Variants in ITGBL1 observed in about 807,000 individuals in gnomAD.
ITGBL1 encodes the protein integrin beta-like protein 1.
ITGBL1 carries 51 observed loss-of-function variants against 68.5 expected under a neutral mutation model. The ratio of observed to expected loss-of-function variants is 0.74; its 90% CI spans 0.59 to 0.94. The LOEUF is 0.94. Among genes scored for constraint, ITGBL1 ranks in the 40% least tolerant of loss-of-function variants. The probability of loss-of-function intolerance (pLI) is 0.00; values close to 1 mark genes in which losing one functional copy is unlikely to be tolerated. For missense variants in ITGBL1, 649 were observed against 647.4 expected (o/e 1.00, Z -0.03); for synonymous variants, 209 against 227.3 (o/e 0.92, Z 0.72).
At chr13:101,472,220 GAA>G (rs1566689596) in intron 2 of ITGBL1, among the ~76,000 whole-genome samples, 1 of 152,106 alleles carries the variant, frequency 6.6e-6, no homozygotes, top group Admixed American at 6.5e-5. Flanking sequence ...ACACTGCACT[GAA>G]ATATATCCAA....
rs115163402 is a variant in ITGBL1 at position 101,550,237 on chromosome 13, G to C, written c.317-17462G>C. On this transcript the variant is annotated intron_variant, in intron 2 of 10. Transcript: ENST00000376180. Reference sequence around the variant, plus strand: ...ATCTTTTCATGGCTGTTTGTTCAGAGAACAGCCTGGGAAGACAGACATGGT... The same window carrying C: ...ATCTTTTCATGGCTGTTTGTTCAGACAACAGCCTGGGAAGACAGACATGGT... 8.9e-3 allele frequency among the ~76,000 whole-genome samples: 1,362 copies of C among 152,238 alleles called. 18 individuals are homozygous for C. Among genetic ancestry groups the C allele is most frequent in the African/African-American group, 0.031 (1,290 of 41,544 alleles).
chr13:101,670,564 G>C (rs1165515191), intron 7 of ITGBL1, among the ~76,000 whole-genome samples: 1 of 152,122 alleles, frequency 6.6e-6, no homozygotes, highest in Non-Finnish European at 1.5e-5. Context: ...TGTCACTCTA[G>C]TTAAGTGAAT....
In ITGBL1 at chr13:101,692,707, A is replaced by G; in HGVS notation, c.1132+6A>G. 1 of 1,574,910 alleles carries G rather than the reference A, an allele frequency of 6.3e-7. No individual in the cohort carries two copies. Among genetic ancestry groups the G allele is most frequent in the East Asian group, 2.2e-5 (1 of 44,712 alleles). On this transcript the variant is annotated splice_donor_region_variant and intron_variant, in intron 8 of 10. Coordinates refer to ENST00000376180, the MANE Select transcript of ITGBL1 (RefSeq NM_004791.3). ...CGATGGTGTGGTCTGTGGAGGTAGT[A>G]ACCTTTCTCATAGCTGTATGCTACC...
intron 7 of ITGBL1, among the ~76,000 whole-genome samples, chr13:101,661,881 C>G (rs1483781921): frequency 6.6e-6 from 1 of 152,082 alleles, no homozygotes; most frequent in Non-Finnish European, 1.5e-5. Context: ...AATTAAAATT[C>G]CCAGTGGAAT....
At chr13:101,711,562 A>C (rs1282795828) in intron 9 of ITGBL1, 1 of 152,290 alleles carries the variant, frequency 6.6e-6, no homozygotes, top group Non-Finnish European at 1.5e-5. Flanking sequence ...CATCACAGAT[A>C]GGCAGATCAC....
intron 2 of ITGBL1, among the ~76,000 whole-genome samples, chr13:101,552,644 T>C (rs1431222838): frequency 1.3e-5 from 2 of 152,184 alleles, no homozygotes; most frequent in Non-Finnish European, 2.9e-5. Context: ...ACAGTGGAGG[T>C]TCCCTAGGGA....
intron 2 of ITGBL1, among the ~76,000 whole-genome samples, chr13:101,480,154 C>A (rs535972377): frequency 6.6e-6 from 1 of 151,952 alleles, no homozygotes; most frequent in Non-Finnish European, 1.5e-5. Context: ...TGAATGAGAT[C>A]TTGTCATTTG....
chr13:101,685,789 G>T (rs1394511406), intron 7 of ITGBL1, among the ~76,000 whole-genome samples: 1 of 151,382 alleles, frequency 6.6e-6, no homozygotes, highest in Non-Finnish European at 1.5e-5. Flanking sequence ...GAAGGTTCAG[G>T]GCTGAGCCAT....
At chr13:101,538,574 A>T (rs1177926421) in intron 2 of ITGBL1, among the ~76,000 whole-genome samples, 1 of 152,156 alleles carries the variant, frequency 6.6e-6, no homozygotes, top group Non-Finnish European at 1.5e-5. Flanking sequence ...GAAAAACATA[A>T]CACGAACATA....
intron 2 of ITGBL1, among the ~76,000 whole-genome samples, chr13:101,565,380 T>C (rs1323593505): frequency 6.6e-6 from 1 of 152,148 alleles, no homozygotes; most frequent in Non-Finnish European, 1.5e-5. Flanking sequence ...TGATAATTCT[T>C]GACAGTCAGA....
intron 5 of ITGBL1, among the ~76,000 whole-genome samples, chr13:101,581,911 C>T (rs1380689583): frequency 6.6e-6 from 1 of 152,166 alleles, no homozygotes; most frequent in Non-Finnish European, 1.5e-5. Flanking sequence ...CCCATTGTCC[C>T]ACACCTTTAC....
At position 101,706,844 on chromosome 13, in the gene ITGBL1, G is replaced by T. The variant is rs759067992; in HGVS notation, c.1221G>T (p.Thr407=). ...AACATCCGCGGAAGTGTAACATGAC[G>T]GAAGAACAAAGCAAGAATCTGTGTG... ...LCQHPRKCNM[T]EEQSKNLCES... The change falls in exon 9 of 11, where the codon ACG becomes ACT. Residue 407 remains threonine, a synonymous_variant. Transcript: ENST00000376180. 1 of 1,614,118 alleles carries T rather than the reference G, an allele frequency of 6.2e-7. No homozygotes were observed. Among genetic ancestry groups the T allele is most frequent in the Non-Finnish European group, 8.5e-7 (1 of 1,180,020 alleles).
chr13:101,635,034 A>C (rs1196671366), intron 7 of ITGBL1, among the ~76,000 whole-genome samples: 1 of 150,278 alleles, frequency 6.7e-6, no homozygotes, highest in Non-Finnish European at 1.5e-5. Flanking sequence ...TTTTAGCTTT[A>C]TGTGCATATC....
In ITGBL1 at chr13:101,714,154, A is replaced by G. The variant is rs143236339; in HGVS notation, c.1280-284A>G. 205 of 316,864 alleles carry G rather than the reference A, an allele frequency of 6.5e-4. No individual in the cohort carries two copies. In the Middle Eastern group the frequency reaches 0.015, roughly 23 times the overall value. The allele number at this position is 316,864 out of a possible 1,614,324, so 19.6% of individuals were successfully genotyped here. A position where few individuals can be genotyped will look rare whatever the true frequency, so the allele number is the denominator to read the frequency against. The stretch of plus-strand genomic sequence containing the variant: ...CTTTTTTGGAAGACCATCTATAAGA[A>G]TCAACCCCATCCTGCTCTCATTGAC... On this transcript the variant is annotated intron_variant, in intron 9 of 10. Coordinates refer to ENST00000376180, the MANE Select transcript of ITGBL1 (RefSeq NM_004791.3).
intron 7 of ITGBL1, among the ~76,000 whole-genome samples, chr13:101,670,181 G>A (rs1170851362): frequency 6.6e-6 from 1 of 152,118 alleles, no homozygotes; most frequent in Non-Finnish European, 1.5e-5. Flanking sequence ...TTTTTTAAGA[G>A]CCACATATTA....
chr13:101,474,726 AAG>A (rs1459243750), intron 2 of ITGBL1, among the ~76,000 whole-genome samples: 1 of 152,136 alleles, frequency 6.6e-6, no homozygotes, highest in East Asian at 1.9e-4. Flanking sequence ...TCAGTGTGAA[AAG>A]AGAGACTACA....
chr13:101,605,821 CAT>C (rs1213675459), intron 7 of ITGBL1, among the ~76,000 whole-genome samples: 3 of 149,030 alleles, frequency 2.0e-5, no homozygotes, highest in Non-Finnish European at 3.0e-5. Context: ...CATGTATGTG[CAT>C]ATGTGTATAT....
At position 101,583,107 on chromosome 13, in the gene ITGBL1, G is replaced by A; in HGVS notation, c.728-109G>A. The A allele has an allele frequency of 3.8e-6, 4 of 1,055,400 alleles. No homozygotes were observed. In the South Asian group the frequency reaches 5.5e-5, roughly 15 times the overall value. The allele number at this position is 1,055,400 out of a possible 1,614,324, so 65.4% of individuals were successfully genotyped here. A position where few individuals can be genotyped will look rare whatever the true frequency, so the allele number is the denominator to read the frequency against. ...TTAGAATATTTTTGTCTGAATATATGTGTTTTTTTCAAACACAAAGTAAAC... is the reference window on the plus strand; with the variant it reads ...TTAGAATATTTTTGTCTGAATATATATGTTTTTTTCAAACACAAAGTAAAC... On this transcript the variant is annotated intron_variant, in intron 5 of 10. Coordinates refer to ENST00000376180, the MANE Select transcript of ITGBL1 (RefSeq NM_004791.3).
At chr13:101,579,662 G>A (rs1024031789) in intron 5 of ITGBL1, among the ~76,000 whole-genome samples, 1 of 152,162 alleles carries the variant, frequency 6.6e-6, no homozygotes, top group Non-Finnish European at 1.5e-5. Flanking sequence ...TGAATAAACA[G>A]TTAACTTAGG....
Sources: gnomAD v4.1 joint callset for allele counts (sites outside exome capture counted in the v4.1 genomes callset) on GRCh38, gnomAD v4.1.1 for gene constraint, MANE v1.5 for transcripts, NCBI Gene and HGNC (gene_info 2026-07-23, HGNC 2026-07-21) for gene names.